CRIM1: variants seen among roughly 807,000 people sequenced by gnomAD.
CRIM1 encodes the protein cysteine rich transmembrane BMP regulator 1.
In CRIM1, 32 loss-of-function variants were observed where a neutral mutation model predicts 116.4. The ratio of observed to expected loss-of-function variants is 0.27; its 90% confidence interval spans 0.21 to 0.37. The LOEUF is 0.37. Ranked by LOEUF, CRIM1 falls within the 10% of genes least tolerant of loss-of-function variation. The probability of loss-of-function intolerance (pLI) is 1.00; values close to 1 mark genes in which losing one functional copy is unlikely to be tolerated. For missense variants in CRIM1, 1,331 were observed against 1,354.8 expected (o/e 0.98, Z 0.28); for synonymous variants, 590 against 509.2 (o/e 1.16, Z -2.13).
intron 15 of CRIM1, among the ~76,000 whole-genome samples, chr2:36,545,308 C>T (rs1298484292): frequency 2.0e-5 from 3 of 152,134 alleles, no homozygotes; most frequent in Non-Finnish European, 2.9e-5. Flanking sequence ...ATTCCTGGAC[C>T]TAGTGTTTTT....
At chr2:36,454,174 C>A (rs1676959895) in intron 4 of CRIM1, among the ~76,000 whole-genome samples, 1 of 152,170 alleles carries the variant, frequency 6.6e-6, no homozygotes, top group African/African-American at 2.4e-5. Context: ...CCCATAATAA[C>A]CCCAGTCCTC....
Position 36,522,231 on chromosome 2 carries a change from T to C in CRIM1, c.2346T>C (p.Ile782=). 1.9e-6 allele frequency: 3 copies of C among 1,614,188 alleles called. No individual in the cohort carries two copies. Among genetic ancestry groups the C allele is most frequent in the Non-Finnish European group, 2.5e-6 (3 of 1,180,024 alleles). ...GCTGCATCTGCATTGATAGCGTAATTAGCTGTTTCTCTGAGTCCTGCCCTT... is the reference window on the plus strand; with the variant it reads ...GCTGCATCTGCATTGATAGCGTAATCAGCTGTTTCTCTGAGTCCTGCCCTT... ...CTSCICIDSV[I]SCFSESCPSV... Residue 782 remains isoleucine (I), a synonymous_variant, in exon 13 of 17, where the codon ATT becomes ATC. Coordinates refer to ENST00000280527, the MANE Select transcript of CRIM1 (RefSeq NM_016441.3).
rs569670369 is a variant in CRIM1 at position 36,416,740 on chromosome 2, A to G, written c.505+19953A>G. Among the ~76,000 whole-genome samples, 20 of 152,366 alleles carry G rather than the reference A, an allele frequency of 1.3e-4. No individual in the cohort carries two copies. In the South Asian group the frequency reaches 4.1e-3, roughly 32 times the overall value. ...GTGCAGTTGGAAGAAACCCTGGCAC[A>G]GTTCCTCCAGAAACCAAAGACAGAA... is the stretch of plus-strand genomic sequence containing the variant. On this transcript the variant is annotated intron_variant, in intron 2 of 16. Transcript: ENST00000280527.
rs185792976 is a variant in CRIM1, at chr2:36,423,617, C to G, written c.506-17641C>G. On this transcript the variant is annotated intron_variant, in intron 2 of 16. Coordinates refer to ENST00000280527, the MANE Select transcript of CRIM1 (RefSeq NM_016441.3). ...TGTAAACTTGATATGTTTTTGCATA[C>G]TTTGGGTTGGTGCTACCTGATTATG... 2.0e-5 allele frequency among the ~76,000 whole-genome samples: 3 copies of G among 152,244 alleles called. No individual in the cohort carries two copies. In the East Asian group the frequency reaches 5.8e-4, roughly 29 times the overall value.
intron 4 of CRIM1, among the ~76,000 whole-genome samples, chr2:36,457,464 G>A (rs1177478593): frequency 6.6e-6 from 1 of 152,200 alleles, no homozygotes; most frequent in Non-Finnish European, 1.5e-5. Context: ...GGCTGCGGGG[G>A]GAGAGTGTGA....
intron 2 of CRIM1, among the ~76,000 whole-genome samples, chr2:36,415,223 G>T (rs541380202): frequency 6.6e-6 from 1 of 152,282 alleles, no homozygotes; most frequent in East Asian, 1.9e-4. Context: ...AGATGGGTAA[G>T]ACTGGGCAAA....
In CRIM1 at chr2:36,548,584, G is replaced by C. The variant is rs771137968; in HGVS notation, c.2994G>C (p.Gln998His). 2 of 1,611,698 alleles carry C rather than the reference G, an allele frequency of 1.2e-6. No individual in the cohort carries two copies. Among genetic ancestry groups the C allele is most frequent in the East Asian group, 2.2e-5 (1 of 44,806 alleles). Reference sequence around the variant, plus strand: ...ACTGCAAGAAAGGAACCAGAGTCCAGGTGGACAGTTCCCAGAGAATGCTAA... The same window carrying C: ...ACTGCAAGAAAGGAACCAGAGTCCACGTGGACAGTTCCCAGAGAATGCTAA... ...SVDCKKGTRV[Q>H]VDSSQRMLRI... Residue 998 changes from glutamine to histidine, a missense_variant, in exon 17 of 17, where the codon CAG (glutamine) becomes CAC (histidine). Physicochemically the swap from Gln to His is conservative, Grantham distance 24. Around this residue, in one of 3 missense-constraint regions of CRIM1, gnomAD observed 283 missense variants for 242.8 expected, o/e 1.17. Transcript: ENST00000280527.
chr2:36,469,592 GCTC>G (rs1678327421), intron 5 of CRIM1, among the ~76,000 whole-genome samples: 1 of 152,130 alleles, frequency 6.6e-6, no homozygotes, highest in South Asian at 2.1e-4. Flanking sequence ...GCATCAGCTT[GCTC>G]CTCATGTAAA....
chr2:36,413,138 T>C (rs527746389), intron 2 of CRIM1, among the ~76,000 whole-genome samples: 1 of 152,142 alleles, frequency 6.6e-6, no homozygotes, highest in Non-Finnish European at 1.5e-5. Flanking sequence ...GCTAGAAATA[T>C]AAATAAATCA....
At chr2:36,384,249 CT>C (rs1463780371) in intron 1 of CRIM1, among the ~76,000 whole-genome samples, 2 of 152,208 alleles carry the variant, frequency 1.3e-5, no homozygotes, top group South Asian at 4.1e-4. Context: ...AGCCTTGAGG[CT>C]GCAGTAGCCG....
At chr2:36,373,581 G>T (rs1312811905) in intron 1 of CRIM1, among the ~76,000 whole-genome samples, 1 of 152,214 alleles carries the variant, frequency 6.6e-6, no homozygotes, top group Non-Finnish European at 1.5e-5. Context: ...AAAGCAAACC[G>T]ATGGGGCATT....
chr2:36,448,008 G>A (rs1428377983), intron 4 of CRIM1, among the ~76,000 whole-genome samples: 4 of 152,282 alleles, frequency 2.6e-5, no homozygotes, highest in African/African-American at 7.2e-5. Flanking sequence ...GAGCAGACAC[G>A]TGATTTAAGA....
At chr2:36,457,087 T>G (rs1351074803) in intron 4 of CRIM1, among the ~76,000 whole-genome samples, 2 of 152,298 alleles carry the variant, frequency 1.3e-5, no homozygotes, top group African/African-American at 4.8e-5. Flanking sequence ...GCTTAATGGC[T>G]GCTTTATTAT....
At position 36,464,516 on chromosome 2, in the gene CRIM1, C is replaced by T; in HGVS notation, c.870-18C>T. 6.2e-7 allele frequency: 1 copy of T among 1,613,760 alleles called. No homozygotes were observed. The highest frequency in any genetic ancestry group is 8.5e-7 in the Non-Finnish European group (1 of 1,179,754). The stretch of plus-strand genomic sequence containing the variant: ...TTGTTTATTCATGGGGTTTTCCTTC[C>T]CTTTTCTTTGGTTTCAGATGCGAGT... On this transcript the variant is annotated intron_variant, in intron 4 of 16. Transcript: ENST00000280527.
intron 4 of CRIM1, among the ~76,000 whole-genome samples, chr2:36,454,413 T>A (rs1019194573): frequency 3.3e-5 from 5 of 152,100 alleles, no homozygotes; most frequent in Non-Finnish European, 7.3e-5. Context: ...GCTGTTTATC[T>A]TTGTGCTGCT....
chr2:36,523,516 A>G (rs1665557260), intron 13 of CRIM1, among the ~76,000 whole-genome samples: 1 of 152,230 alleles, frequency 6.6e-6, no homozygotes, highest in Non-Finnish European at 1.5e-5. Flanking sequence ...TGGCAGTTCT[A>G]TCAAGGACAG....
intron 4 of CRIM1, among the ~76,000 whole-genome samples, chr2:36,462,064 G>A (rs1677622214): frequency 6.6e-6 from 1 of 152,208 alleles, no homozygotes; most frequent in Non-Finnish European, 1.5e-5. Context: ...ACACCAGCTA[G>A]CAAAACCAGG....
intron 1 of CRIM1, among the ~76,000 whole-genome samples, chr2:36,392,597 G>T (rs1671699725): frequency 6.6e-6 from 1 of 152,030 alleles, no homozygotes; most frequent in Non-Finnish European, 1.5e-5. Context: ...AGAACTCTTG[G>T]GCTCAGATTT....
intron 1 of CRIM1, chr2:36,378,506 C>T: frequency 2.3e-6 from 1 of 429,794 alleles, no homozygotes; most frequent in Non-Finnish European, 4.8e-6. Flanking sequence ...GGATGAAGCT[C>T]ACAGCTCTAA....
Sources: gnomAD v4.1 joint callset for allele counts (sites outside exome capture counted in the v4.1 genomes callset) on GRCh38, gnomAD v4.1.1 for gene constraint, gnomAD v4.1.1 regional missense constraint, MANE v1.5 for transcripts, NCBI Gene and HGNC (gene_info 2026-07-23, HGNC 2026-07-21) for gene names.